The following AFAP1L2 variants were observed in gnomAD, a reference collection of about 807,000 sequenced individuals.
AFAP1L2 encodes actin filament-associated protein 1-like 2.
Under a neutral mutation model 99.3 loss-of-function variants are expected in AFAP1L2, and 46 were observed. That is an observed-to-expected ratio of 0.46 (90% confidence interval 0.37 to 0.59). The LOEUF (loss-of-function observed/expected upper bound fraction) is 0.59, where lower values mean the gene tolerates loss of function less well. AFAP1L2 is among the 20% of genes least tolerant of loss of function. AFAP1L2 has a pLI of 0.00. For synonymous variants in AFAP1L2, 397 were observed against 419.1 expected (o/e 0.95, Z 0.64); for missense variants, 959 against 1,034.9 (o/e 0.93, Z 1.01).
chr10:114,402,396 G>T (rs2058308824), intron 1 of AFAP1L2, among the ~76,000 whole-genome samples: 1 of 152,254 alleles, frequency 6.6e-6, no homozygotes, highest in South Asian at 2.1e-4. Flanking sequence ...TCAGTGAAAG[G>T]TGTAGTAAAC....
intron 1 of AFAP1L2, among the ~76,000 whole-genome samples, chr10:114,345,420 A>AG (rs1482290564): frequency 2.0e-5 from 3 of 152,278 alleles, no homozygotes; most frequent in Admixed American, 1.3e-4. Flanking sequence ...GATGGATGGA[A>AG]GGGGACTGGC....
chr10:114,331,118 A>G (rs2047167136), intron 4 of AFAP1L2, among the ~76,000 whole-genome samples: 1 of 152,138 alleles, frequency 6.6e-6, no homozygotes, highest in South Asian at 2.1e-4. Flanking sequence ...GCTGAGCCAG[A>G]TCATAGGCCC....
Position 114,336,098 on chromosome 10 carries a change from C to T in AFAP1L2, c.146-2803G>A, listed in dbSNP as rs148304597. 3.0e-3 allele frequency among the ~76,000 whole-genome samples: 464 copies of T among 152,346 alleles called. 4 individuals carry two copies. Among genetic ancestry groups the T allele is most frequent in the African/African-American group, 0.011 (438 of 41,580 alleles). On this transcript the variant is annotated intron_variant, in intron 2 of 18. Transcript: ENST00000304129. The stretch of plus-strand genomic sequence containing the variant: ...TTGTAAGTTGCAGAGAAAACTCACA[C>T]TGGCCACTTCATGAGGGTGCATCGG...
chr10:114,327,443 A>C (rs527669424), intron 4 of AFAP1L2, among the ~76,000 whole-genome samples: 1 of 152,000 alleles, frequency 6.6e-6, no homozygotes, highest in Non-Finnish European at 1.5e-5. Context: ...AAGACTGTGA[A>C]TATTAAATGA....
At chr10:114,354,618 T>C (rs766377025) in intron 1 of AFAP1L2, among the ~76,000 whole-genome samples, 6 of 152,222 alleles carry the variant, frequency 3.9e-5, no homozygotes, top group African/African-American at 9.6e-5. Flanking sequence ...AAGACTGTTA[T>C]CTGGGATTTG....
chr10:114,350,615 C>T (rs901671592), intron 1 of AFAP1L2, among the ~76,000 whole-genome samples: 1 of 152,298 alleles, frequency 6.6e-6, no homozygotes, highest in East Asian at 1.9e-4. Context: ...CCATCTGGGC[C>T]AGTTAACGTC....
chr10:114,282,305 AT>A, the AFAP1L2 span, among the ~76,000 whole-genome samples: 2 of 151,768 alleles, frequency 1.3e-5, no homozygotes, highest in Non-Finnish European at 2.9e-5. Context: ...CTCCCAGCCT[AT>A]TTTTTTTAAT....
chr10:114,378,086 C>T (rs1420531726), intron 1 of AFAP1L2, among the ~76,000 whole-genome samples: 1 of 152,242 alleles, frequency 6.6e-6, no homozygotes, highest in African/African-American at 2.4e-5. Context: ...TACCAATCAC[C>T]AGGTGTTCTG....
chr10:114,315,172 A>G (rs1299983434), intron 6 of AFAP1L2, among the ~76,000 whole-genome samples: 2 of 151,772 alleles, frequency 1.3e-5, no homozygotes, highest in African/African-American at 4.8e-5. Context: ...AAACAAAACA[A>G]CAACAAAAAA....
downstream of AFAP1L2, chr10:114,290,428 C>A: frequency 6.5e-7 from 1 of 1,536,270 alleles, no homozygotes; most frequent in South Asian, 1.2e-5. Flanking sequence ...CTGCCAAGTC[C>A]CACAAACTCA....
At chr10:114,403,673 T>C (rs989902830) in intron 1 of AFAP1L2, among the ~76,000 whole-genome samples, 7 of 152,132 alleles carry the variant, frequency 4.6e-5, no homozygotes, top group African/African-American at 1.7e-4. Context: ...GCTCCGAGTG[T>C]GGGTGCTAAG....
At chr10:114,314,091 G>A in intron 6 of AFAP1L2, 41 bp from the exon 7 acceptor site, 1 of 1,578,178 alleles carries the variant, frequency 6.3e-7, no homozygotes, top group East Asian at 2.3e-5. Flanking sequence ...TGCCAGGGGT[G>A]CCGGGCGGAG....
chr10:114,310,944 C>T (rs1425315544), intron 7 of AFAP1L2, among the ~76,000 whole-genome samples: 1 of 108,706 alleles, frequency 9.2e-6, no homozygotes, highest in African/African-American at 3.2e-5. Context: ...TCTCCCGACT[C>T]GCCTGCCGCC....
the AFAP1L2 span, chr10:114,289,157 C>A: frequency 2.5e-6 from 4 of 1,613,684 alleles, no homozygotes; most frequent in Non-Finnish European, 3.4e-6. Flanking sequence ...ATGCTGCGGG[C>A]CATTAGCCAG....
chr10:114,339,083 G>A (rs1030934155), intron 2 of AFAP1L2, among the ~76,000 whole-genome samples: 3 of 152,212 alleles, frequency 2.0e-5, no homozygotes, highest in Non-Finnish European at 4.4e-5. Context: ...TATGCTCATG[G>A]GAATGCTCAT....
chr10:114,403,513 CAAAAGAG>C (rs2058420089), intron 1 of AFAP1L2, among the ~76,000 whole-genome samples: 1 of 152,120 alleles, frequency 6.6e-6, no homozygotes, highest in Non-Finnish European at 1.5e-5. Flanking sequence ...ACCGGTCCAG[CAAAAGAG>C]AAGGCAAGAG....
rs2043637424 is a variant in AFAP1L2, at chr10:114,313,744, A to G, written c.792+127T>C. ...AGAAGACAGATCGTTACCACTTAGA[A>G]CACAGGAAGCCCTGCAAACTTGAAG... is the stretch of plus-strand genomic sequence containing the variant. On this transcript the variant is annotated intron_variant, in intron 7 of 18. Coordinates refer to ENST00000304129, the MANE Select transcript of AFAP1L2 (RefSeq NM_001001936.3). 1.0e-5 allele frequency: 10 copies of G among 977,952 alleles called. No homozygotes were observed. In the East Asian group the frequency reaches 2.7e-4, roughly 26 times the overall value. 60.6% of individuals were successfully genotyped at this position (977,952 alleles called of 1,614,324 possible).
chr10:114,315,443 T>C lies in AFAP1L2; in HGVS notation c.612+117A>G, dbSNP rs893844006. ...AGATTAGGGAGAAGTTAAAATCTCCTGACATAAACAAGCTCGAAACCTCTG... is the reference window on the plus strand; with the variant it reads ...AGATTAGGGAGAAGTTAAAATCTCCCGACATAAACAAGCTCGAAACCTCTG... On this transcript the variant is annotated intron_variant, in intron 6 of 18. Coordinates refer to ENST00000304129, the MANE Select transcript of AFAP1L2 (RefSeq NM_001001936.3). 3.9e-6 allele frequency: 4 copies of C among 1,015,062 alleles called. No homozygotes were observed. In the Admixed American group the frequency reaches 1.0e-4, roughly 26 times the overall value. The allele number at this position is 1,015,062 out of a possible 1,614,324, so 62.9% of individuals were successfully genotyped here. A position where few individuals can be genotyped will look rare whatever the true frequency, so the allele number is the denominator to read the frequency against.
intron 1 of AFAP1L2, among the ~76,000 whole-genome samples, chr10:114,388,564 C>T (rs772730187): frequency 6.6e-6 from 1 of 152,226 alleles, no homozygotes; most frequent in Non-Finnish European, 1.5e-5. Context: ...CTGCTTTCCT[C>T]CACTAGAACA....
Sources: gnomAD v4.1 joint callset for allele counts (sites outside exome capture counted in the v4.1 genomes callset) on GRCh38, gnomAD v4.1.1 for gene constraint, MANE v1.5 for transcripts, NCBI Gene and HGNC (gene_info 2026-07-23, HGNC 2026-07-21) for gene names.